TCF20: variants seen among roughly 807,000 people sequenced by gnomAD.
TCF20 encodes the protein SPRE-binding protein.
In TCF20, 3 loss-of-function variants were observed where a neutral mutation model predicts 148.6. The ratio of observed to expected loss-of-function variants is 0.02; its 90% CI spans 0.01 to 0.05. TCF20 has a LOEUF of 0.05. TCF20 is among the 10% of genes least tolerant of loss of function. TCF20 has a pLI of 1.00. For missense variants in TCF20, 2,350 were observed against 2,429.3 expected (o/e 0.97, Z 0.69); for synonymous variants, 1,049 against 909.5 (o/e 1.15, Z -2.76).
chr22:42,325,140 C>T (rs1927851768), intron 1 of TCF20, among the ~76,000 whole-genome samples: 1 of 152,370 alleles, frequency 6.6e-6, no homozygotes, highest in East Asian at 1.9e-4. Context: ...GGCTTCTGGG[C>T]CAGCGCCCCC....
chr22:42,214,141 G>A lies in TCF20; in HGVS notation c.1165C>T (p.Leu389Phe), dbSNP rs747623073. The A allele has an allele frequency of 1.2e-6, 2 of 1,614,198 alleles. No individual in the cohort carries two copies. The highest frequency in any genetic ancestry group is 1.7e-6 in the Non-Finnish European group (2 of 1,180,040). Residue 389 changes from leucine (L) to phenylalanine (F), a missense_variant, in exon 2 of 6, where the codon CTC becomes TTC. Physicochemically the swap from Leu to Phe is conservative, Grantham distance 22. Transcript: ENST00000677622. ...TGGAGATTCTCCCCAGTCTGCATGA[G>A]AGGAGATGGGGTAGAACTACAGCTT... ...SPSCSSTPSPLMQTGENLQCG... is the reference protein window; with the variant it reads ...SPSCSSTPSPFMQTGENLQCG...
rs1921172407 is a variant in TCF20 at position 42,212,955 on chromosome 22, C to G, written c.2351G>C (p.Gly784Ala). Residue 784 changes from glycine (G) to alanine (A), a missense_variant, in exon 2 of 6, where the codon GGA becomes GCA. Gly to Ala is a moderately conservative substitution (Grantham distance 60). Coordinates refer to ENST00000677622, the MANE Select transcript of TCF20 (RefSeq NM_001378418.1). ...EHQGMAGSLE[G>A]TTRPNVLVSQ... ...AACCAAGACATTGGGCCTTGTGGTT[C>G]CTTCTAGGCTACCAGCCATCCCCTG... is the stretch of plus-strand genomic sequence containing the variant. The G allele has an allele frequency of 1.2e-6, 2 of 1,614,160 alleles. No individual in the cohort carries two copies. Among genetic ancestry groups the G allele is most frequent in the Non-Finnish European group, 1.7e-6 (2 of 1,180,034 alleles).
chr22:42,302,488 C>A (rs1485056256), intron 1 of TCF20, among the ~76,000 whole-genome samples: 1 of 152,188 alleles, frequency 6.6e-6, no homozygotes, highest in Non-Finnish European at 1.5e-5. Context: ...AGGGAGGCCA[C>A]TAGCCATGCC....
chr22:42,211,020 G>T lies in TCF20; in HGVS notation c.4286C>A (p.Pro1429His). The T allele has an allele frequency of 6.2e-7, 1 of 1,614,122 alleles. No individual in the cohort carries two copies. The highest frequency in any genetic ancestry group is 8.5e-7 in the Non-Finnish European group (1 of 1,180,026). Residue 1429 changes from proline (P) to histidine (H), a missense_variant, in exon 2 of 6, where the codon CCT becomes CAT. By Grantham distance (77) the Pro-to-His change is moderately conservative. Around this residue, in one of 7 missense-constraint regions of TCF20, gnomAD observed 231 missense variants for 213.7 expected, o/e 1.08. Transcript: ENST00000677622. ...CCACTCTTCTGAAGACCTTGGAAGA[G>T]GTTTCTCTACGTGCAACTCCTGGTT... is the stretch of plus-strand genomic sequence containing the variant. ...PANQELHVEK[P>H]LPRSSEEWRG...
intron 2 of TCF20, among the ~76,000 whole-genome samples, chr22:42,181,027 C>G (rs1936746405): frequency 6.6e-6 from 1 of 152,214 alleles, no homozygotes; most frequent in Non-Finnish European, 1.5e-5. Flanking sequence ...ATCATTTGGT[C>G]TGGAGTAAAC....
In TCF20 at chr22:42,253,375, C is replaced by T. The variant is rs532510953; in HGVS notation, c.-37+16964G>A. Among the ~76,000 whole-genome samples the T allele has an allele frequency of 9.9e-5, 15 of 151,910 alleles. No homozygotes were observed. The South Asian group carries it at 1.2e-3, about 13-fold the overall frequency. ...GAAAGCTTCTTCAACAGATACAGGA[C>T]GGGCTAGTATCAAAATATAGAAAAA... is the stretch of plus-strand genomic sequence containing the variant. On this transcript the variant is annotated intron_variant, in intron 1 of 5. Transcript: ENST00000677622.
intron 4 of TCF20, 44 bp from the exon 5 acceptor site, chr22:42,168,780 A>G: frequency 6.4e-7 from 1 of 1,566,670 alleles, no homozygotes. Flanking sequence ...GTGGGAGAGG[A>G]CAGTGCAGAA....
intron 2 of TCF20, among the ~76,000 whole-genome samples, chr22:42,202,676 G>A (rs1265072086): frequency 6.6e-6 from 1 of 152,226 alleles, no homozygotes. Context: ...CCGCGAAATT[G>A]GCCTTGGCTT....
chr22:42,254,838 G>A (rs894975826), intron 1 of TCF20, among the ~76,000 whole-genome samples: 13 of 151,414 alleles, frequency 8.6e-5, no homozygotes, highest in East Asian at 3.9e-4. Context: ...GGAGGCGGGC[G>A]CCTGTAGTCC....
chr22:42,226,133 C>T (rs566231110), intron 1 of TCF20, among the ~76,000 whole-genome samples: 2 of 152,170 alleles, frequency 1.3e-5, no homozygotes, highest in African/African-American at 4.8e-5. Context: ...ATCCCAAGAT[C>T]ACTTCAGATG....
At chr22:42,205,811 G>A (rs867798758) in intron 2 of TCF20, among the ~76,000 whole-genome samples, 12 of 152,226 alleles carry the variant, frequency 7.9e-5, no homozygotes, top group East Asian at 1.9e-4. Context: ...CCACTCAGTC[G>A]CCCAGGCTAG....
At chr22:42,252,157 C>T (rs1478438646) in intron 1 of TCF20, among the ~76,000 whole-genome samples, 1 of 151,118 alleles carries the variant, frequency 6.6e-6, no homozygotes, top group Non-Finnish European at 1.5e-5. Flanking sequence ...TGTGGTGGCA[C>T]GCACCTATAA....
chr22:42,224,714 T>C (rs1472112436), intron 1 of TCF20, among the ~76,000 whole-genome samples: 1 of 152,114 alleles, frequency 6.6e-6, no homozygotes, highest in African/African-American at 2.4e-5. Flanking sequence ...AAACAAATTA[T>C]GGTATATCCA....
At position 42,212,919 on chromosome 22, in the gene TCF20, T is replaced by C. The variant is rs766312102; in HGVS notation, c.2387A>G (p.Asn796Ser). 6.8e-6 allele frequency: 11 copies of C among 1,614,178 alleles called. No individual in the cohort carries two copies. Among genetic ancestry groups the C allele is most frequent in the East Asian group, 2.2e-5 (1 of 44,874 alleles). ...TRPNVLVSQT[N>S]ELASRGLLNK... ...CAGAAGGCCCCTGCTAGCTAATTCA[T>C]TGGTTTGACTAACCAAGACATTGGG... Residue 796 changes from asparagine (N) to serine (S), a missense_variant, in exon 2 of 6, where the codon AAT (asparagine) becomes AGT (serine). Physicochemically the swap from Asn to Ser is conservative, Grantham distance 46 (BLOSUM62 1). Transcript: ENST00000677622.
chr22:42,167,778 G>A (rs887077828), intron 5 of TCF20, among the ~76,000 whole-genome samples: 68 of 151,852 alleles, frequency 4.5e-4, no homozygotes, highest in African/African-American at 1.6e-3. Flanking sequence ...GGAATGTAGC[G>A]GCACGATCAT....
chr22:42,329,277 G>C (rs1481858723), intron 1 of TCF20, among the ~76,000 whole-genome samples: 2 of 152,232 alleles, frequency 1.3e-5, no homozygotes, highest in African/African-American at 4.8e-5. Context: ...CCAGCACACA[G>C]GCTGCCAAGG....
chr22:42,211,635 G>A lies in TCF20; in HGVS notation c.3671C>T (p.Ala1224Val). Residue 1224 changes from alanine (A) to valine (V), a missense_variant, in exon 2 of 6, where the codon GCT becomes GTT. By Grantham distance (64) the Ala-to-Val change is moderately conservative (BLOSUM62 0). Transcript: ENST00000677622. ...AGGTTTGGATGACTGTGTAGCCTCA[G>A]CTAGTCCATGTCCATCAGTCTCATG... ...PPHETDGHGLAEATQSSKPGS... is the reference protein window; with the variant it reads ...PPHETDGHGLVEATQSSKPGS... 1 of 1,614,244 alleles carries A rather than the reference G, an allele frequency of 6.2e-7. No individual in the cohort carries two copies.
At chr22:42,174,863 G>A (rs1040240043) in intron 3 of TCF20, among the ~76,000 whole-genome samples, 33 of 151,976 alleles carry the variant, frequency 2.2e-4, no homozygotes, top group Admixed American at 7.9e-4. Context: ...GTGAAACCCC[G>A]TCTCTACTAA....
At chr22:42,307,836 C>T (rs988183302) in intron 1 of TCF20, among the ~76,000 whole-genome samples, 3 of 152,182 alleles carry the variant, frequency 2.0e-5, no homozygotes, top group Non-Finnish European at 4.4e-5. Context: ...GGTCAGGTCC[C>T]TCAGACTCTC....
Sources: allele counts gnomAD v4.1 joint callset (sites outside exome capture counted in the v4.1 genomes callset), GRCh38; gene constraint gnomAD v4.1.1; regional missense constraint gnomAD v4.1.1; transcripts MANE v1.5; gene names NCBI Gene and HGNC (gene_info 2026-07-23, HGNC 2026-07-21).